PALS1: variants seen among roughly 807,000 people sequenced by gnomAD.
The protein encoded by PALS1 is protein PALS1.
In PALS1, 31 loss-of-function variants were observed where a neutral mutation model predicts 78.9. That is an observed-to-expected ratio of 0.39 (90% CI 0.30 to 0.53). The LOEUF (loss-of-function observed/expected upper bound fraction) is 0.53. Among genes scored for constraint, PALS1 ranks in the 20% least tolerant of loss-of-function variants. PALS1 has a pLI of 0.67. For synonymous variants in PALS1, 276 were observed against 270.9 expected, an observed-to-expected ratio of 1.02 and a Z score of -0.18; for missense variants, 704 against 826.5, an observed-to-expected ratio of 0.85 and a Z score of 1.82.
At chr14:67,294,889 G>A (rs2084822824) in intron 4 of PALS1, 1 of 152,042 alleles carries the variant, frequency 6.6e-6, no homozygotes, top group African/African-American at 2.4e-5. Context: ...AGCCAGGATG[G>A]TCTTGATCTC....
chr14:67,320,385 T>C lies in PALS1; in HGVS notation c.1525T>C (p.Ser509Pro). The C allele has an allele frequency of 6.2e-7, 1 of 1,604,686 alleles. No homozygotes were observed. The highest frequency in any genetic ancestry group is 8.5e-7 in the Non-Finnish European group (1 of 1,176,468). ...GAACAAAGAAAAGGACCGCTTTGCATCTGCAGTTCCTCGTAAGTTTGAATG... is the reference window on the plus strand; with the variant it reads ...GAACAAAGAAAAGGACCGCTTTGCACCTGCAGTTCCTCGTAAGTTTGAATG... Reference protein sequence around the residue: ...LMNKEKDRFASAVPHTTRSRR... With the variant: ...LMNKEKDRFAPAVPHTTRSRR... The change falls in exon 12 of 15, where the codon TCT (serine) becomes CCT (proline). Residue 509 changes from serine (S) to proline (P), a missense_variant. Ser to Pro is a moderately conservative substitution (Grantham distance 74). Transcript: ENST00000261681.
chr14:67,327,280 G>A (rs2085372732), intron 14 of PALS1, among the ~76,000 whole-genome samples: 1 of 152,248 alleles, frequency 6.6e-6, no homozygotes. Flanking sequence ...AAACACCTAG[G>A]AGTAGAATTG....
At chr14:67,320,894 CAA>C (rs1356295636) in intron 12 of PALS1, among the ~76,000 whole-genome samples, 161 bp from the exon 13 acceptor site, 1 of 151,986 alleles carries the variant, frequency 6.6e-6, no homozygotes, top group Non-Finnish European at 1.5e-5. Context: ...TTTCAATCTA[CAA>C]AAAATAAAAA....
At chr14:67,303,426 T>C (rs1373795771) in intron 7 of PALS1, 96 bp from the exon 8 acceptor site, 2 of 933,172 alleles carry the variant, frequency 2.1e-6, no homozygotes, top group African/African-American at 1.6e-5. Context: ...GTGGAGGGGT[T>C]CTGAAATAGT....
intron 14 of PALS1, among the ~76,000 whole-genome samples, chr14:67,331,628 A>C (rs2085450969): frequency 6.6e-6 from 1 of 152,158 alleles, no homozygotes; most frequent in Non-Finnish European, 1.5e-5. Flanking sequence ...TGTAATTTGA[A>C]AGAGAACTTC....
chr14:67,258,029 G>GT, intron 1 of PALS1, among the ~76,000 whole-genome samples: 1 of 151,816 alleles, frequency 6.6e-6, no homozygotes, highest in Admixed American at 6.6e-5. Flanking sequence ...CTCCTCTTGA[G>GT]TTATTAAATG....
chr14:67,250,987 C>CA (rs2140439632), intron 1 of PALS1, among the ~76,000 whole-genome samples: 1 of 152,296 alleles, frequency 6.6e-6, no homozygotes, highest in African/African-American at 2.4e-5. Context: ...TTAACAACTA[C>CA]ATTTCAAGTT....
chr14:67,246,090 A>G (rs2083983731), intron 1 of PALS1, among the ~76,000 whole-genome samples: 1 of 151,722 alleles, frequency 6.6e-6, no homozygotes, highest in African/African-American at 2.4e-5. Flanking sequence ...GGACTCTTCA[A>G]TTGATCTATT....
chr14:67,284,420 C>G (rs1362977870), intron 3 of PALS1, among the ~76,000 whole-genome samples: 1 of 95,568 alleles, frequency 1.0e-5, no homozygotes, highest in Admixed American at 1.2e-4. Context: ...CAACATAGAC[C>G]CTATCTCTTA....
intron 14 of PALS1, among the ~76,000 whole-genome samples, chr14:67,327,552 C>T (rs1023269105): frequency 6.6e-6 from 1 of 151,550 alleles, no homozygotes; most frequent in Non-Finnish European, 1.5e-5. Context: ...AGGTTTGTTA[C>T]GTATGTATAC....
chr14:67,276,019 T>G (rs1385088660), intron 2 of PALS1, among the ~76,000 whole-genome samples: 1 of 152,188 alleles, frequency 6.6e-6, no homozygotes, highest in African/African-American at 2.4e-5. Context: ...CTTTTCTTCA[T>G]TAGTCTTGCT....
At chr14:67,280,944 T>C (rs1401542395) in intron 3 of PALS1, among the ~76,000 whole-genome samples, 1 of 150,126 alleles carries the variant, frequency 6.7e-6, no homozygotes, top group Non-Finnish European at 1.5e-5. Context: ...TTGCCCAGGC[T>C]GGAGTGCAGT....
chr14:67,331,818 C>T (rs774702766), intron 14 of PALS1, among the ~76,000 whole-genome samples: 12 of 152,150 alleles, frequency 7.9e-5, no homozygotes, highest in South Asian at 2.1e-4. Flanking sequence ...CTTGAGCTTA[C>T]GGTAGACATA....
Position 67,302,137 on chromosome 14 carries a change from G to A in PALS1, c.801+19G>A, listed in dbSNP as rs767084665. 1 of 1,572,638 alleles carries A rather than the reference G, an allele frequency of 6.4e-7. No homozygotes were observed. The highest frequency in any genetic ancestry group is 1.2e-5 in the South Asian group (1 of 83,378). On this transcript the variant is annotated intron_variant, in intron 6 of 14. Transcript: ENST00000261681. Reference sequence around the variant, plus strand: ...TCCGTTGGTAAGTGTCCCACATACTGTTTTTAAACAAGTGCATTTTTCTGC... The same window carrying A: ...TCCGTTGGTAAGTGTCCCACATACTATTTTTAAACAAGTGCATTTTTCTGC...
At chr14:67,272,338 G>A (rs1166959376) in intron 2 of PALS1, among the ~76,000 whole-genome samples, 3 of 151,822 alleles carry the variant, frequency 2.0e-5, no homozygotes, top group African/African-American at 7.3e-5. Flanking sequence ...GGTTCATATG[G>A]CCCCTTTATT....
chr14:67,291,422 T>C (rs2084772062), intron 3 of PALS1, among the ~76,000 whole-genome samples: 1 of 152,022 alleles, frequency 6.6e-6, no homozygotes, highest in African/African-American at 2.4e-5. Flanking sequence ...GTAGCTAGGA[T>C]TACAGGTGCC....
intron 1 of PALS1, among the ~76,000 whole-genome samples, chr14:67,244,239 C>T (rs913399023): frequency 6.6e-6 from 1 of 152,128 alleles, no homozygotes; most frequent in African/African-American, 2.4e-5. Context: ...CATGTGTGGA[C>T]GCTTTCCTAG....
At chr14:67,254,054 T>A (rs537444309) in intron 1 of PALS1, 1 of 141,356 alleles carries the variant, frequency 7.1e-6, no homozygotes, top group Admixed American at 7.3e-5. Context: ...TTTCTTAGGA[T>A]GCTCTTCTTC....
At chr14:67,252,921 G>C (rs1056555625) in intron 1 of PALS1, among the ~76,000 whole-genome samples, 1 of 152,174 alleles carries the variant, frequency 6.6e-6, no homozygotes, top group Non-Finnish European at 1.5e-5. Flanking sequence ...TTACTGGGAG[G>C]AAATCTAACA....
Sources: allele counts gnomAD v4.1 joint callset (sites outside exome capture counted in the v4.1 genomes callset), GRCh38; gene constraint gnomAD v4.1.1; transcripts MANE v1.5; gene names NCBI Gene and HGNC (gene_info 2026-07-23, HGNC 2026-07-21).